EML6: variants seen among roughly 807,000 people sequenced by gnomAD.
EML6 encodes the protein echinoderm microtubule-associated protein-like 6.
EML6 carries 154 observed loss-of-function variants against 240.1 expected under a neutral mutation model. That is an observed-to-expected ratio of 0.64 (90% CI 0.56 to 0.73). The LOEUF is 0.73. EML6 is among the 30% of genes least tolerant of loss of function. The probability of loss-of-function intolerance (pLI) is 0.00; values close to 1 mark genes in which losing one functional copy is unlikely to be tolerated. For missense variants in EML6, 2,964 were observed against 2,474.6 expected (o/e 1.20, Z -4.20); for synonymous variants, 1,148 against 899.0 (o/e 1.28, Z -4.95).
intron 16 of EML6, among the ~76,000 whole-genome samples, chr2:54,876,970 A>T (rs910399427): frequency 1.3e-5 from 2 of 149,100 alleles, no homozygotes; most frequent in Non-Finnish European, 3.0e-5. Flanking sequence ...CTCTTGACTC[A>T]TCATCCAAAA....
chr2:54,835,155 A>G (rs1045459369), intron 7 of EML6, among the ~76,000 whole-genome samples: 4 of 152,206 alleles, frequency 2.6e-5, no homozygotes, highest in African/African-American at 9.6e-5. Flanking sequence ...TCTCTTCTAG[A>G]ATTGCAACTC....
At chr2:54,832,812 A>G (rs1272393761) in intron 7 of EML6, among the ~76,000 whole-genome samples, 1 of 151,390 alleles carries the variant, frequency 6.6e-6, no homozygotes, top group Admixed American at 6.6e-5. Flanking sequence ...TCTTTGCCTC[A>G]AACAAACCAA....
intron 26 of EML6, among the ~76,000 whole-genome samples, chr2:54,918,263 A>G (rs1674035839): frequency 6.6e-6 from 1 of 152,176 alleles, no homozygotes; most frequent in African/African-American, 2.4e-5. Context: ...TAAATCATAG[A>G]AAAAAAGACA....
At chr2:54,745,184 G>A (rs1410384739) in intron 2 of EML6, among the ~76,000 whole-genome samples, 6 of 152,216 alleles carry the variant, frequency 3.9e-5, no homozygotes, top group Admixed American at 3.9e-4. Flanking sequence ...CAGGTTTGGT[G>A]AAGCAGAGAG....
chr2:54,839,965 T>A (rs1220528487), intron 7 of EML6, among the ~76,000 whole-genome samples: 1 of 152,258 alleles, frequency 6.6e-6, no homozygotes, highest in African/African-American at 2.4e-5. Flanking sequence ...TAATCTTTTT[T>A]CCTTGCTGAA....
At chr2:54,753,054 T>A (rs1684245534) in intron 2 of EML6, among the ~76,000 whole-genome samples, 1 of 152,196 alleles carries the variant, frequency 6.6e-6, no homozygotes, top group Non-Finnish European at 1.5e-5. Context: ...ATACATGTCT[T>A]TTGACACCTG....
At chr2:54,860,154 C>T (rs1670599577) in intron 12 of EML6, among the ~76,000 whole-genome samples, 1 of 152,196 alleles carries the variant, frequency 6.6e-6, no homozygotes, top group African/African-American at 2.4e-5. Context: ...TTCCTGAAAT[C>T]AGGACAGGAA....
intron 21 of EML6, among the ~76,000 whole-genome samples, chr2:54,897,144 T>C (rs186005031): frequency 1.3e-5 from 2 of 152,372 alleles, no homozygotes; most frequent in Admixed American, 6.5e-5. Flanking sequence ...CCATGTATGC[T>C]ATATTGCTAG....
intron 9 of EML6, 59 bp downstream of exon 9, chr2:54,847,682 T>A: frequency 6.5e-7 from 1 of 1,533,876 alleles, no homozygotes; most frequent in Non-Finnish European, 8.8e-7. Flanking sequence ...TGTTACAATT[T>A]TCCTGGTCAT....
At chr2:54,931,118 C>A (rs909239018) in intron 28 of EML6, among the ~76,000 whole-genome samples, 3 of 151,958 alleles carry the variant, frequency 2.0e-5, no homozygotes, top group African/African-American at 7.3e-5. Context: ...CCACCATGCC[C>A]GGCTAATTTT....
chr2:54,803,225 C>T (rs182968649), intron 2 of EML6, among the ~76,000 whole-genome samples: 5 of 152,294 alleles, frequency 3.3e-5, no homozygotes, highest in Admixed American at 3.3e-4. Flanking sequence ...TCTGTAGTTT[C>T]TGTATGGCCA....
chr2:54,889,635 A>G (rs554022391), intron 17 of EML6, among the ~76,000 whole-genome samples: 3 of 152,022 alleles, frequency 2.0e-5, no homozygotes, highest in Non-Finnish European at 4.4e-5. Flanking sequence ...TCAATTTTAT[A>G]TACTGTACCT....
At chr2:54,913,025 A>T (rs1030512205) in intron 25 of EML6, among the ~76,000 whole-genome samples, 107 of 151,286 alleles carry the variant, frequency 7.1e-4, no homozygotes, top group African/African-American at 2.5e-3. Flanking sequence ...CATTCCCACC[A>T]ACAGTGAATA....
intron 7 of EML6, among the ~76,000 whole-genome samples, chr2:54,830,394 C>A (rs1333871717): frequency 3.9e-5 from 6 of 152,138 alleles, no homozygotes; most frequent in Non-Finnish European, 7.4e-5. Context: ...TGAAAACTTA[C>A]CCATCGTTGT....
intron 9 of EML6, among the ~76,000 whole-genome samples, chr2:54,849,480 T>C (rs926802856): frequency 1.3e-5 from 2 of 152,244 alleles, no homozygotes; most frequent in African/African-American, 2.4e-5. Context: ...AAACAGTTTG[T>C]TATTCTCCTA....
At chr2:54,882,762 G>T (rs1345165366) in intron 17 of EML6, 1 of 150,332 alleles carries the variant, frequency 6.7e-6, no homozygotes, top group Non-Finnish European at 1.5e-5. Flanking sequence ...GGAGGCTGAG[G>T]CAGGAGAACG....
intron 8 of EML6, among the ~76,000 whole-genome samples, chr2:54,846,784 C>T (rs987048676): frequency 6.6e-6 from 1 of 151,912 alleles, no homozygotes; most frequent in African/African-American, 2.4e-5. Context: ...GTGTCTGGCG[C>T]ATACTTTTTA....
chr2:54,781,898 G>A (rs947111498), intron 2 of EML6, among the ~76,000 whole-genome samples: 7 of 152,170 alleles, frequency 4.6e-5, no homozygotes, highest in Admixed American at 3.9e-4. Context: ...TGAACTCCTG[G>A]ACTCAAGTGA....
At chr2:54,892,316 A>G in intron 18 of EML6, 138 bp from the exon 19 acceptor site, 1 of 629,200 alleles carries the variant, frequency 1.6e-6, no homozygotes, top group Non-Finnish European at 2.8e-6. Flanking sequence ...TTTGTTCATG[A>G]TGTTCTCTGT....
Sources: allele counts gnomAD v4.1 joint callset (sites outside exome capture counted in the v4.1 genomes callset), GRCh38; gene constraint gnomAD v4.1.1; transcripts MANE v1.5; gene names NCBI Gene and HGNC (gene_info 2026-07-23, HGNC 2026-07-21).